Variants in SLC6A6 observed in about 807,000 individuals in gnomAD.
The protein encoded by SLC6A6 is solute carrier family 6 member 6, also known as sodium- and chloride-dependent taurine transporter.
A neutral mutation model predicts 68.8 loss-of-function variants in SLC6A6; 16 were observed. That is an observed-to-expected ratio of 0.23 (90% CI 0.16 to 0.35). SLC6A6 has a LOEUF of 0.35. SLC6A6 is among the 10% of genes least tolerant of loss of function. The probability of loss-of-function intolerance (pLI) is 1.00; values close to 1 mark genes in which losing one functional copy is unlikely to be tolerated. For synonymous variants in SLC6A6, 312 were observed against 315.4 expected (o/e 0.99, Z 0.12); for missense variants, 474 against 802.8 (o/e 0.59, Z 4.95).
intron 1 of SLC6A6, among the ~76,000 whole-genome samples, chr3:14,408,244 A>G (rs1163567851): frequency 6.6e-6 from 1 of 152,242 alleles, no homozygotes; most frequent in Non-Finnish European, 1.5e-5. Context: ...GAAACTGCAT[A>G]AACTAAAAAG....
At chr3:14,407,032 TG>T (rs1388019909) in intron 1 of SLC6A6, among the ~76,000 whole-genome samples, 1 of 145,900 alleles carries the variant, frequency 6.9e-6, no homozygotes, top group Admixed American at 7.0e-5. Context: ...CCTGGGAATC[TG>T]TATTTTTAAA....
In SLC6A6 at chr3:14,488,066, CA is replaced by C. The variant is rs1701221834; in HGVS notation, c.*3060del. 1 of 152,816 alleles carries C rather than the reference CA, an allele frequency of 6.5e-6. No individual in the cohort carries two copies. 9.5% of individuals were successfully genotyped at this position (152,816 alleles called of 1,614,324 possible). ...CCCTGCACGGGGCCCTCCTTCCTCC[CA>C]GCAGCCCTTGGTGAGCTAGGAATTG... is the stretch of plus-strand genomic sequence containing the variant. On this transcript the variant is annotated 3_prime_UTR_variant, in exon 15 of 15. Coordinates refer to ENST00000622186, the MANE Select transcript of SLC6A6 (RefSeq NM_003043.6).
At chr3:14,451,203 A>G (rs1700244190) in intron 5 of SLC6A6, among the ~76,000 whole-genome samples, 1 of 152,228 alleles carries the variant, frequency 6.6e-6, no homozygotes, top group Non-Finnish European at 1.5e-5. Context: ...GAAAGGATTG[A>G]GACTATTTCA....
chr3:14,409,778 G>A (rs764468175), intron 1 of SLC6A6, among the ~76,000 whole-genome samples: 8 of 152,194 alleles, frequency 5.3e-5, no homozygotes, highest in Admixed American at 2.6e-4. Flanking sequence ...GTGGAGTGTG[G>A]GGACTTTGGG....
In SLC6A6 at chr3:14,481,823, T is replaced by C. The variant is rs1275387292; in HGVS notation, c.1704T>C (p.Thr568=). The change falls in exon 14 of 15, where the codon ACT becomes ACC. Residue 568 remains threonine, a synonymous_variant. Transcript: ENST00000622186. This position sits in a 1 kb window ranked among gnomAD's most constrained non-coding sequence, Gnocchi z 4.7. ...PLVIVIRLCQ[T]EGPFLVRVKY... is the part of the protein sequence containing the mutation. Reference sequence around the variant, plus strand: ...TCATCGTCATCCGCCTCTGCCAGACTGAGGGGCCGTTCCTTGTGGTAAGTG... The same window carrying C: ...TCATCGTCATCCGCCTCTGCCAGACCGAGGGGCCGTTCCTTGTGGTAAGTG... 1 of 1,613,820 alleles carries C rather than the reference T, an allele frequency of 6.2e-7. No homozygotes were observed. The highest frequency in any genetic ancestry group is 1.7e-5 in the Admixed American group (1 of 59,966).
Position 14,481,763 on chromosome 3 carries a change from C to T in SLC6A6, c.1644C>T (p.Ser548=), listed in dbSNP as rs1166046629. The change falls in exon 14 of 15, where the codon AGC becomes AGT. Residue 548 remains serine, a synonymous_variant. Transcript: ENST00000622186. The surrounding 1 kb of genome is among the most constrained non-coding windows in gnomAD (Gnocchi z 4.7). Reference sequence around the variant, plus strand: ...ACTGGGCCATTGGGCTGGGCTGGAGCCTGGCCCTTTCCTCCATGCTCTGCG... The same window carrying T: ...ACTGGGCCATTGGGCTGGGCTGGAGTCTGGCCCTTTCCTCCATGCTCTGCG... ...YPNWAIGLGW[S]LALSSMLCVP... is the part of the protein sequence containing the mutation. 4 of 1,614,058 alleles carry T rather than the reference C, an allele frequency of 2.5e-6. No homozygotes were observed. In the South Asian group the frequency reaches 3.3e-5, roughly 13 times the overall value.
At chr3:14,476,211 GA>G (rs1559313880) in intron 10 of SLC6A6, among the ~76,000 whole-genome samples, 1 of 152,194 alleles carries the variant, frequency 6.6e-6, no homozygotes, top group Non-Finnish European at 1.5e-5. Flanking sequence ...TCTCTTTTAA[GA>G]CTGTGCTACA....
intron 2 of SLC6A6, among the ~76,000 whole-genome samples, chr3:14,441,001 G>T (rs1699970496): frequency 1.3e-5 from 2 of 152,186 alleles, no homozygotes; most frequent in Non-Finnish European, 1.5e-5. Context: ...GGGGGTGGAG[G>T]CTTCATTTTG....
intron 13 of SLC6A6, among the ~76,000 whole-genome samples, chr3:14,479,900 G>T (rs1700969119): frequency 6.6e-6 from 1 of 152,222 alleles, no homozygotes; most frequent in Admixed American, 6.5e-5. Context: ...CTTATTGCCA[G>T]GGAGACCACA....
chr3:14,462,463 C>T (rs1386446710), intron 6 of SLC6A6, among the ~76,000 whole-genome samples: 1 of 152,070 alleles, frequency 6.6e-6, no homozygotes, highest in African/African-American at 2.4e-5. Context: ...TTGGGGGAGC[C>T]GAGGAGGGCA....
intron 10 of SLC6A6, among the ~76,000 whole-genome samples, chr3:14,475,499 C>T (rs1194110107): frequency 2.0e-5 from 3 of 152,188 alleles, no homozygotes; most frequent in Non-Finnish European, 2.9e-5. Flanking sequence ...GCCAAGTGGA[C>T]AAGATCCTCC....
chr3:14,428,891 G>C (rs1336765328), intron 2 of SLC6A6, among the ~76,000 whole-genome samples: 1 of 152,192 alleles, frequency 6.6e-6, no homozygotes, highest in African/African-American at 2.4e-5. Context: ...CTCTCTGCTG[G>C]GTGACAGTGA....
chr3:14,421,890 C>T (rs978994075), intron 2 of SLC6A6, among the ~76,000 whole-genome samples: 8 of 152,148 alleles, frequency 5.3e-5, no homozygotes, highest in Non-Finnish European at 7.4e-5. Context: ...CCTCTCTGGC[C>T]TCAGCCTCGT....
chr3:14,442,730 A>G (rs1276197391), intron 2 of SLC6A6, among the ~76,000 whole-genome samples: 2 of 152,192 alleles, frequency 1.3e-5, no homozygotes, highest in African/African-American at 2.4e-5. Flanking sequence ...GAGGGTAACC[A>G]TGAACAGCTC....
In SLC6A6 at chr3:14,409,054, C is replaced by T. The variant is rs373628400; in HGVS notation, c.-54+6207C>T. Among the ~76,000 whole-genome samples, 884 of 152,268 alleles carry T rather than the reference C, an allele frequency of 5.8e-3. 8 individuals carry two copies. The highest frequency in any genetic ancestry group is 0.02 in the African/African-American group (825 of 41,534). On this transcript the variant is annotated intron_variant, in intron 1 of 14. Transcript: ENST00000622186. ...CGATCTCCTGACCTGGTGATCTGCC[C>T]GCCTCGGCCTCCCAAAGTGCTGGGA...
chr3:14,439,084 G>A (rs1413022159), intron 2 of SLC6A6, among the ~76,000 whole-genome samples: 1 of 152,212 alleles, frequency 6.6e-6, no homozygotes, highest in African/African-American at 2.4e-5. Context: ...AGATATAGGG[G>A]TCCCCATTTG....
chr3:14,433,722 T>C (rs933002333), intron 2 of SLC6A6, among the ~76,000 whole-genome samples: 4 of 146,760 alleles, frequency 2.7e-5, no homozygotes, highest in Non-Finnish European at 4.5e-5. Flanking sequence ...GAGAATCTCT[T>C]GGACCCAGGT....
intron 2 of SLC6A6, among the ~76,000 whole-genome samples, chr3:14,431,761 A>C (rs1216757454): frequency 6.6e-6 from 1 of 152,000 alleles, no homozygotes; most frequent in East Asian, 1.9e-4. Context: ...CTAGCACCAC[A>C]CTCTGGTCGA....
chr3:14,446,967 T>G (rs79487402), intron 4 of SLC6A6, among the ~76,000 whole-genome samples: 1 of 152,128 alleles, frequency 6.6e-6, no homozygotes, highest in Non-Finnish European at 1.5e-5. Context: ...ATTAAACCAC[T>G]CAGTAATTAG....
Sources: gnomAD v4.1 joint callset for allele counts (sites outside exome capture counted in the v4.1 genomes callset) on GRCh38, gnomAD v4.1.1 for gene constraint, Gnocchi (gnomAD v3.1) non-coding constraint, MANE v1.5 for transcripts, NCBI Gene and HGNC (gene_info 2026-07-23, HGNC 2026-07-21) for gene names.